Variants in IMMP2L observed in about 807,000 individuals in gnomAD.
IMMP2L encodes the protein inner mitochondrial membrane peptidase subunit 2.
Under a neutral mutation model 19.3 loss-of-function variants are expected in IMMP2L, and 18 were observed. The observed-to-expected ratio is 0.93, with a 90% CI of 0.64 to 1.38. The LOEUF (loss-of-function observed/expected upper bound fraction) is 1.38. IMMP2L is among the 40% of genes most tolerant of loss of function. IMMP2L has a pLI of 0.00. For missense variants in IMMP2L, 233 were observed against 218.2 expected (o/e 1.07, Z -0.43); for synonymous variants, 76 against 73.0 (o/e 1.04, Z -0.21).
intron 3 of IMMP2L, among the ~76,000 whole-genome samples, chr7:111,197,278 CA>C (rs1233583459): frequency 6.6e-6 from 1 of 151,998 alleles, no homozygotes; most frequent in African/African-American, 2.4e-5. Flanking sequence ...CTGGCTAACA[CA>C]GGTGAAACCC....
rs539025866 is a variant in IMMP2L, at chr7:110,806,299, A to C, written c.408+80294T>G. ...TGGACTTCACTTTAGACTTCATTGT[A>C]CCATAATTTTTCAATATGTTCAATG... On this transcript the variant is annotated intron_variant, in intron 5 of 5. Transcript: ENST00000405709. 4.6e-5 allele frequency among the ~76,000 whole-genome samples: 7 copies of C among 151,922 alleles called. No homozygotes were observed. In the South Asian group the frequency reaches 1.5e-3, roughly 32 times the overall value.
At chr7:110,792,337 C>A (rs1800516917) in intron 5 of IMMP2L, among the ~76,000 whole-genome samples, 1 of 151,046 alleles carries the variant, frequency 6.6e-6, no homozygotes, top group Admixed American at 6.6e-5. Flanking sequence ...GAGTTGATAC[C>A]ATTTTTTTCC....
intron 3 of IMMP2L, chr7:111,096,998 A>C (rs1024300066): frequency 2.0e-5 from 3 of 151,896 alleles, no homozygotes. Context: ...AAATCTTCTA[A>C]AGTTTGTCAT....
At chr7:110,744,269 C>T (rs576106668) in intron 5 of IMMP2L, among the ~76,000 whole-genome samples, 1 of 152,164 alleles carries the variant, frequency 6.6e-6, no homozygotes, top group African/African-American at 2.4e-5. Context: ...AGATATAACC[C>T]CCACCTCCCT....
At position 111,238,517 on chromosome 7, in the gene IMMP2L, T is replaced by C. The variant is rs753745801; in HGVS notation, c.239+248721A>G. 2.0e-5 allele frequency among the ~76,000 whole-genome samples: 3 copies of C among 152,102 alleles called. No individual in the cohort carries two copies. In the East Asian group the frequency reaches 5.8e-4, roughly 29 times the overall value. On this transcript the variant is annotated intron_variant, in intron 3 of 5. Coordinates refer to ENST00000405709, the MANE Select transcript of IMMP2L (RefSeq NM_032549.4). ...TACAAAAGCATCAAATACAAGGTTA[T>C]AGAGATGGATTTTTTATTAAGGGAA... is the stretch of plus-strand genomic sequence containing the variant.
intron 3 of IMMP2L, among the ~76,000 whole-genome samples, chr7:111,284,500 GA>G (rs1820276023): frequency 6.6e-6 from 1 of 152,142 alleles, no homozygotes; most frequent in Admixed American, 6.5e-5. Context: ...AACTTGAAGG[GA>G]AATCCATGAT....
At chr7:111,146,255 A>C (rs1461418245) in intron 3 of IMMP2L, among the ~76,000 whole-genome samples, 1 of 135,940 alleles carries the variant, frequency 7.4e-6, no homozygotes, top group Non-Finnish European at 1.6e-5. Context: ...GAGGGGAGGA[A>C]AGGGAGGAAG....
At position 111,374,082 on chromosome 7, in the gene IMMP2L, C is replaced by T. The variant is rs142978637; in HGVS notation, c.239+113156G>A. 1.9e-3 allele frequency among the ~76,000 whole-genome samples: 291 copies of T among 152,120 alleles called. 4 individuals carry two copies. Among genetic ancestry groups the T allele is most frequent in the Admixed American group, 0.018 (272 of 15,238 alleles). On this transcript the variant is annotated intron_variant, in intron 3 of 5. Coordinates refer to ENST00000405709, the MANE Select transcript of IMMP2L (RefSeq NM_032549.4). ...CAGTTCCTGAAAAAAGCCAAGCCTT[C>T]ATCATGGTCACTTCAGATTATATAA...
At chr7:111,069,883 C>A (rs187827794) in intron 3 of IMMP2L, among the ~76,000 whole-genome samples, 113 of 152,230 alleles carry the variant, frequency 7.4e-4, no homozygotes, top group African/African-American at 2.5e-3. Flanking sequence ...CAATGTTCCA[C>A]TAAAAAGTTA....
At chr7:111,348,974 C>T (rs1392430812) in intron 3 of IMMP2L, among the ~76,000 whole-genome samples, 1 of 152,086 alleles carries the variant, frequency 6.6e-6, no homozygotes, top group Admixed American at 6.6e-5. Context: ...ATTTCCTTCC[C>T]AAGTAGACTG....
intron 3 of IMMP2L, among the ~76,000 whole-genome samples, chr7:111,184,125 T>C (rs1485475659): frequency 6.6e-6 from 1 of 152,010 alleles, no homozygotes; most frequent in East Asian, 1.9e-4. Flanking sequence ...CATACTATGG[T>C]TTACTACTTT....
rs1324964929 is a variant in IMMP2L, at chr7:110,870,407, C to CA, written c.408+16185dup. 6.6e-6 allele frequency among the ~76,000 whole-genome samples: 1 copy of CA among 152,082 alleles called. No individual in the cohort carries two copies. Among genetic ancestry groups the CA allele is most frequent in the East Asian group, 1.9e-4 (1 of 5,180 alleles). On this transcript the variant is annotated intron_variant, in intron 5 of 5. Coordinates refer to ENST00000405709, the MANE Select transcript of IMMP2L (RefSeq NM_032549.4). The surrounding 1 kb of genome is among the most constrained non-coding windows in gnomAD (Gnocchi z 4.2). ...TAGTAGGTGCCTATTATGAGCCAGC[C>CA]AGGCACTGTGCTACAGCAGTGAACC...
At chr7:111,533,409 CA>C (rs1847584119) in intron 1 of IMMP2L, among the ~76,000 whole-genome samples, 1 of 152,114 alleles carries the variant, frequency 6.6e-6, no homozygotes, top group Admixed American at 6.5e-5. Context: ...AACACTGAAT[CA>C]GAACTACAAA....
chr7:111,122,705 A>G lies in IMMP2L; in HGVS notation c.240-159140T>C, dbSNP rs1800796277. The G allele has an allele frequency of 4.9e-6, 6 of 1,228,810 alleles. No homozygotes were observed. The African/African-American group carries it at 6.1e-5, about 12-fold the overall frequency. The allele number at this position is 1,228,810 out of a possible 1,614,324, so 76.1% of individuals were successfully genotyped here. ...GCATCTTCCTTATCAATCAGCTCCT[A>G]TTGAACTTACTAGCACTGACTGTGG... On this transcript the variant is annotated intron_variant, in intron 3 of 5. Transcript: ENST00000405709.
chr7:111,351,422 C>T (rs573973229), intron 3 of IMMP2L, among the ~76,000 whole-genome samples: 1 of 152,218 alleles, frequency 6.6e-6, no homozygotes, highest in African/African-American at 2.4e-5. Flanking sequence ...AACTCCTGAC[C>T]TCGTGATCTG....
chr7:111,225,786 G>C (rs1281223380), intron 3 of IMMP2L, among the ~76,000 whole-genome samples: 4 of 151,020 alleles, frequency 2.6e-5, no homozygotes, highest in African/African-American at 9.7e-5. Flanking sequence ...AAGAAGACTT[G>C]TGCACATTAC....
At chr7:111,424,384 G>A (rs552669232) in intron 3 of IMMP2L, among the ~76,000 whole-genome samples, 1 of 151,904 alleles carries the variant, frequency 6.6e-6, no homozygotes, top group Non-Finnish European at 1.5e-5. Flanking sequence ...AATACTCAGT[G>A]TTTGGCTGTG....
In IMMP2L at chr7:110,914,839, T is replaced by C. The variant is rs1813428086; in HGVS notation, c.306-28144A>G. Among the ~76,000 whole-genome samples the C allele has an allele frequency of 2.0e-5, 3 of 152,116 alleles. No homozygotes were observed. The South Asian group carries it at 6.2e-4, about 32-fold the overall frequency. On this transcript the variant is annotated intron_variant, in intron 4 of 5. Transcript: ENST00000405709. The stretch of plus-strand genomic sequence containing the variant: ...ATGAACTTTTTGAAGACCTCCTATA[T>C]GAAAACACAATCAAAATCACTAATC...
At chr7:111,091,849 A>G (rs1201285981) in intron 3 of IMMP2L, among the ~76,000 whole-genome samples, 1 of 151,832 alleles carries the variant, frequency 6.6e-6, no homozygotes, top group Non-Finnish European at 1.5e-5. Flanking sequence ...AGGGAGAGAG[A>G]AGGAGATGGG....
Sources: allele counts gnomAD v4.1 joint callset (sites outside exome capture counted in the v4.1 genomes callset), GRCh38; gene constraint gnomAD v4.1.1; non-coding constraint Gnocchi (gnomAD v3.1); transcripts MANE v1.5; gene names NCBI Gene and HGNC (gene_info 2026-07-23, HGNC 2026-07-21).